Variants in RERE observed in about 807,000 individuals in gnomAD.
RERE encodes arginine-glutamic acid dipeptide repeats protein.
In RERE, 40 loss-of-function variants were observed where a neutral mutation model predicts 146.1. The ratio of observed to expected loss-of-function variants is 0.27; its 90% CI spans 0.21 to 0.36. The LOEUF (loss-of-function observed/expected upper bound fraction) is 0.36, where lower values mean the gene tolerates loss of function less well. Ranked by LOEUF, RERE falls within the 10% of genes least tolerant of loss-of-function variation. The pLI, the probability that RERE is intolerant of heterozygous loss-of-function variation, is 1.00. For missense variants in RERE, 1,933 were observed against 2,138.7 expected (o/e 0.90, Z 1.90); for synonymous variants, 1,003 against 866.0 (o/e 1.16, Z -2.78).
intron 1 of RERE, among the ~76,000 whole-genome samples, chr1:8,693,097 T>C (rs2124421996): frequency 6.6e-6 from 1 of 152,330 alleles, no homozygotes; most frequent in Non-Finnish European, 1.5e-5. Context: ...CAACACCAAA[T>C]GGTAGCAAGT....
intron 1 of RERE, among the ~76,000 whole-genome samples, chr1:8,738,975 A>T (rs945895743): frequency 2.0e-5 from 3 of 152,140 alleles, no homozygotes; most frequent in African/African-American, 7.2e-5. Context: ...AACTCTGTCC[A>T]TCTCTCTCCC....
chr1:8,577,317 C>A (rs1229842976), intron 4 of RERE, among the ~76,000 whole-genome samples: 2 of 152,202 alleles, frequency 1.3e-5, no homozygotes, highest in East Asian at 3.9e-4. Flanking sequence ...TCTCTCTCCC[C>A]TCTCTTTCTA....
At chr1:8,671,819 A>C (rs531437065) in intron 1 of RERE, among the ~76,000 whole-genome samples, 3 of 152,236 alleles carry the variant, frequency 2.0e-5, no homozygotes, top group Non-Finnish European at 4.4e-5. Context: ...TGAATCCGAA[A>C]TAATTCAAAT....
At chr1:8,506,775 T>TTAG (rs1557664096) in intron 8 of RERE, among the ~76,000 whole-genome samples, 1 of 152,258 alleles carries the variant, frequency 6.6e-6, no homozygotes, top group Non-Finnish European at 1.5e-5. Context: ...TCCAATTCTT[T>TTAG]CTTCCTCTCA....
At chr1:8,370,592 T>C (rs1191198435) in intron 12 of RERE, among the ~76,000 whole-genome samples, 1 of 152,174 alleles carries the variant, frequency 6.6e-6, no homozygotes, top group African/African-American at 2.4e-5. Context: ...TATCAAGGGA[T>C]TCAACACTGG....
At chr1:8,659,394 T>A (rs1638404677) in intron 1 of RERE, among the ~76,000 whole-genome samples, 1 of 152,168 alleles carries the variant, frequency 6.6e-6, no homozygotes, top group Admixed American at 6.5e-5. Flanking sequence ...CTGTCTCTAC[T>A]AAAAATACAA....
intron 8 of RERE, among the ~76,000 whole-genome samples, chr1:8,506,308 T>TC (rs1278480210): frequency 1.3e-5 from 2 of 152,220 alleles, no homozygotes; most frequent in African/African-American, 4.8e-5. Context: ...GACACTGTCC[T>TC]CCTGCAGCTT....
chr1:8,606,475 G>A (rs139204696), intron 4 of RERE, among the ~76,000 whole-genome samples: 2 of 152,234 alleles, frequency 1.3e-5, no homozygotes, highest in East Asian at 3.9e-4. Flanking sequence ...GGATGCTCCA[G>A]AGAAAAATTA....
At chr1:8,800,591 G>A (rs951617096) in intron 1 of RERE, among the ~76,000 whole-genome samples, 1 of 152,124 alleles carries the variant, frequency 6.6e-6, no homozygotes, top group African/African-American at 2.4e-5. Flanking sequence ...GATCACTTGA[G>A]CCCAAGAGTT....
At chr1:8,743,240 T>G (rs1030878463) in intron 1 of RERE, among the ~76,000 whole-genome samples, 1 of 151,716 alleles carries the variant, frequency 6.6e-6, no homozygotes, top group African/African-American at 2.4e-5. Context: ...TACAAAAAAA[T>G]TTTAAAAATT....
chr1:8,386,022 A>ATATATATAT (rs1186333936), intron 12 of RERE, among the ~76,000 whole-genome samples: 1 of 26,636 alleles, frequency 3.8e-5, no homozygotes, highest in Non-Finnish European at 6.0e-5. Flanking sequence ...ATATATATAT[A>ATATATATAT]TTTTTTTTTT....
intron 1 of RERE, among the ~76,000 whole-genome samples, chr1:8,816,797 GA>G (rs1188274987): frequency 4.6e-5 from 7 of 152,102 alleles, no homozygotes; most frequent in Admixed American, 2.6e-4. Context: ...CCAGCACCCC[GA>G]AATCCACAAA....
Position 8,423,797 on chromosome 1 carries a change from C to G in RERE, c.1204-990G>C. The stretch of plus-strand genomic sequence containing the variant: ...GGGGAGGAGGCAGGAGCGCGGCGCG[C>G]AGAGCCCGGCGCGGCCGCGGGCGGC... On this transcript the variant is annotated intron_variant, in intron 11 of 22. Coordinates refer to ENST00000400908, the MANE Select transcript of RERE (RefSeq NM_001042681.2). This position sits in a 1 kb window ranked among gnomAD's most constrained non-coding sequence, Gnocchi z 5.4. The G allele has an allele frequency of 3.0e-6, 2 of 657,776 alleles. No individual in the cohort carries two copies. The highest frequency in any genetic ancestry group is 3.7e-6 in the Non-Finnish European group (2 of 533,720). The allele number at this position is 657,776 out of a possible 1,614,324, so 40.7% of individuals were successfully genotyped here. A position where few individuals can be genotyped will look rare whatever the true frequency, so the allele number is the denominator to read the frequency against.
chr1:8,462,417 G>T (rs1644538589), intron 11 of RERE, among the ~76,000 whole-genome samples: 1 of 152,260 alleles, frequency 6.6e-6, no homozygotes, highest in South Asian at 2.1e-4. Flanking sequence ...ACGCGCAGAG[G>T]GGAGACAGTG....
At chr1:8,662,218 G>C (rs182006102) in intron 1 of RERE, among the ~76,000 whole-genome samples, 103 of 152,268 alleles carry the variant, frequency 6.8e-4, no homozygotes, top group Non-Finnish European at 1.4e-3. Context: ...CCAATATACA[G>C]AATTACTCTT....
chr1:8,619,949 C>T (rs1348809891), intron 3 of RERE, among the ~76,000 whole-genome samples: 4 of 152,306 alleles, frequency 2.6e-5, no homozygotes, highest in African/African-American at 9.6e-5. Flanking sequence ...TTTTATACTT[C>T]TTCAGTCTCC....
intron 1 of RERE, among the ~76,000 whole-genome samples, chr1:8,779,426 G>A (rs1209288202): frequency 6.6e-6 from 1 of 151,804 alleles, no homozygotes; most frequent in Non-Finnish European, 1.5e-5. Flanking sequence ...ACTTTGGGAG[G>A]CAAGGTGGGT....
intron 1 of RERE, among the ~76,000 whole-genome samples, chr1:8,788,536 T>C (rs1293415415): frequency 6.6e-6 from 1 of 152,096 alleles, no homozygotes; most frequent in African/African-American, 2.4e-5. Context: ...AGCTAATTTC[T>C]GTATTTTTAG....
intron 4 of RERE, among the ~76,000 whole-genome samples, chr1:8,610,819 T>C (rs1557433622): frequency 6.6e-6 from 1 of 151,614 alleles, no homozygotes; most frequent in Non-Finnish European, 1.5e-5. Context: ...TTAATTAACA[T>C]ATCCTATGTT....
Sources: gnomAD v4.1 joint callset for allele counts (sites outside exome capture counted in the v4.1 genomes callset) on GRCh38, gnomAD v4.1.1 for gene constraint, Gnocchi (gnomAD v3.1) non-coding constraint, MANE v1.5 for transcripts, NCBI Gene and HGNC (gene_info 2026-07-23, HGNC 2026-07-21) for gene names.